Variants in DOCK3 observed in about 807,000 individuals in gnomAD.
DOCK3 encodes the protein dedicator of cytokinesis 3, also known as dedicator of cytokinesis protein 3.
A neutral mutation model predicts 265.6 loss-of-function variants in DOCK3; 60 were observed. That is an observed-to-expected ratio of 0.23 (90% CI 0.18 to 0.28). The LOEUF is 0.28. Among genes scored for constraint, DOCK3 ranks in the 10% least tolerant of loss-of-function variants. DOCK3 has a pLI of 1.00. For missense variants in DOCK3, 1,981 were observed against 2,594.3 expected, an observed-to-expected ratio of 0.76 and a Z score of 5.14; for synonymous variants, 881 against 938.0, an observed-to-expected ratio of 0.94 and a Z score of 1.11.
At chr3:50,969,345 T>G (rs2077126766) in intron 5 of DOCK3, among the ~76,000 whole-genome samples, 1 of 152,170 alleles carries the variant, frequency 6.6e-6, no homozygotes. Flanking sequence ...TTCCACCCCT[T>G]TACATTGAGT....
chr3:51,070,455 G>A (rs2081814136), intron 6 of DOCK3, among the ~76,000 whole-genome samples: 1 of 152,078 alleles, frequency 6.6e-6, no homozygotes, highest in Non-Finnish European at 1.5e-5. Flanking sequence ...ACCTCAGTGG[G>A]CCTCAGCTTC....
chr3:50,801,764 T>A (rs2043080663), intron 2 of DOCK3, among the ~76,000 whole-genome samples: 1 of 152,226 alleles, frequency 6.6e-6, no homozygotes, highest in South Asian at 2.1e-4. Flanking sequence ...TGGTTTTCTG[T>A]CAAGATGATC....
chr3:50,791,714 G>A lies in DOCK3; in HGVS notation c.121+12956G>A, dbSNP rs528931315. ...CTTCTTCAATGCTTGTTTTTGTCAG[G>A]TTTGTTGAAGATCAGATGGTAGTAA... is the stretch of plus-strand genomic sequence containing the variant. On this transcript the variant is annotated intron_variant, in intron 2 of 52. Coordinates refer to ENST00000266037, the MANE Select transcript of DOCK3 (RefSeq NM_004947.5). Among the ~76,000 whole-genome samples, 4 of 152,230 alleles carry A rather than the reference G, an allele frequency of 2.6e-5. No individual in the cohort carries two copies. The East Asian group carries it at 7.7e-4, about 29-fold the overall frequency.
chr3:51,140,181 A>G lies in DOCK3; in HGVS notation c.747-6368A>G, dbSNP rs527464821. ...GCTTTTATTATGTTAGAGTTATGCA[A>G]CCATTTCCACAGTCCATCTTACAAC... On this transcript the variant is annotated intron_variant, in intron 9 of 52. Coordinates refer to ENST00000266037, the MANE Select transcript of DOCK3 (RefSeq NM_004947.5). Among the ~76,000 whole-genome samples, 10 of 152,342 alleles carry G rather than the reference A, an allele frequency of 6.6e-5. No individual in the cohort carries two copies. The South Asian group carries it at 1.9e-3, about 28-fold the overall frequency.
chr3:51,139,106 T>A (rs982192180), intron 9 of DOCK3, among the ~76,000 whole-genome samples: 12 of 152,010 alleles, frequency 7.9e-5, no homozygotes, highest in African/African-American at 2.7e-4. Flanking sequence ...GTACTAGGGG[T>A]CATCTTCACT....
intron 5 of DOCK3, among the ~76,000 whole-genome samples, chr3:51,050,364 A>G (rs1461835717): frequency 6.6e-6 from 1 of 152,188 alleles, no homozygotes; most frequent in Non-Finnish European, 1.5e-5. Flanking sequence ...TCCAGTCCAG[A>G]TTACATAATA....
intron 4 of DOCK3, among the ~76,000 whole-genome samples, chr3:50,905,426 T>C (rs1333663519): frequency 6.6e-6 from 1 of 151,954 alleles, no homozygotes; most frequent in East Asian, 1.9e-4. Flanking sequence ...TTTGTGTCCT[T>C]TTTTATGTCG....
At chr3:50,973,408 G>C (rs1343005367) in intron 5 of DOCK3, among the ~76,000 whole-genome samples, 1 of 143,164 alleles carries the variant, frequency 7.0e-6, no homozygotes, top group East Asian at 2.1e-4. Flanking sequence ...TTGTTCTTGC[G>C]ATAGTTTACT....
chr3:50,959,233 T>C (rs1050263016), intron 5 of DOCK3, among the ~76,000 whole-genome samples: 2 of 152,242 alleles, frequency 1.3e-5, no homozygotes, highest in Non-Finnish European at 2.9e-5. Context: ...TTTTATTGTA[T>C]ATAAAGTGTC....
chr3:51,064,568 A>G lies in DOCK3; in HGVS notation c.436A>G (p.Ile146Val), dbSNP rs1487176561. ...QDQVREVKRH[I>V]TVRLDWGNEH... ...TCAGGTGCGGGAGGTTAAGCGGCAC[A>G]TCACCGTGCGCCTGGACTGGGGTAA... Residue 146 changes from isoleucine to valine, a missense_variant, in exon 6 of 53, where the codon ATC becomes GTC. Transcript: ENST00000266037. The G allele has an allele frequency of 1.9e-6, 3 of 1,614,014 alleles. No individual in the cohort carries two copies. The highest frequency in any genetic ancestry group is 1.1e-5 in the South Asian group (1 of 91,086).
At chr3:51,273,330 T>C (rs1255030814) in intron 24 of DOCK3, among the ~76,000 whole-genome samples, 3 of 152,168 alleles carry the variant, frequency 2.0e-5, no homozygotes, top group Non-Finnish European at 4.4e-5. Context: ...GACTATGTAA[T>C]TGGATTTTAG....
At chr3:51,207,747 A>T (rs955405966) in intron 12 of DOCK3, among the ~76,000 whole-genome samples, 1 of 152,144 alleles carries the variant, frequency 6.6e-6, no homozygotes, top group Non-Finnish European at 1.5e-5. Context: ...GGAAGTGGCC[A>T]TGCTGAACTG....
intron 32 of DOCK3, among the ~76,000 whole-genome samples, chr3:51,323,125 G>A (rs1177001956): frequency 1.3e-5 from 2 of 152,068 alleles, no homozygotes; most frequent in African/African-American, 4.8e-5. Context: ...TTACATAATG[G>A]TAAGGAGATC....
chr3:51,000,297 A>C (rs1293926252), intron 5 of DOCK3, among the ~76,000 whole-genome samples: 1 of 152,210 alleles, frequency 6.6e-6, no homozygotes, highest in Non-Finnish European at 1.5e-5. Context: ...CAAAACAGAC[A>C]AAAGTGTCTT....
chr3:51,268,535 C>T (rs1161676718), intron 23 of DOCK3, among the ~76,000 whole-genome samples: 1 of 152,202 alleles, frequency 6.6e-6, no homozygotes, highest in African/African-American at 2.4e-5. Context: ...ATCAGACAGC[C>T]TCTCTCATGT....
chr3:51,249,833 G>C (rs1250046499), intron 22 of DOCK3, among the ~76,000 whole-genome samples: 1 of 147,438 alleles, frequency 6.8e-6, no homozygotes, highest in Non-Finnish European at 1.5e-5. Context: ...GGAATAGAAA[G>C]GGGGGAAAGG....
chr3:51,340,238 G>T (rs775245885), intron 37 of DOCK3, among the ~76,000 whole-genome samples: 3 of 152,182 alleles, frequency 2.0e-5, no homozygotes, highest in Non-Finnish European at 2.9e-5. Context: ...TGTCTCTGAT[G>T]GCTCAGGGAA....
At chr3:50,922,506 G>A (rs1014943942) in intron 4 of DOCK3, among the ~76,000 whole-genome samples, 3 of 152,180 alleles carry the variant, frequency 2.0e-5, no homozygotes, top group Non-Finnish European at 2.9e-5. Context: ...CGCTTCCCAC[G>A]TGGGGCAATG....
At chr3:50,719,616 A>G in intron 1 of DOCK3, 2 of 1,538,344 alleles carry the variant, frequency 1.3e-6, no homozygotes, top group South Asian at 1.1e-5. Context: ...CCATCCAACC[A>G]CTGAGGTCTT....
Sources: gnomAD v4.1 joint callset for allele counts (sites outside exome capture counted in the v4.1 genomes callset) on GRCh38, gnomAD v4.1.1 for gene constraint, MANE v1.5 for transcripts, NCBI Gene and HGNC (gene_info 2026-07-23, HGNC 2026-07-21) for gene names.